Variants in COLEC10 observed in about 807,000 individuals in gnomAD.
COLEC10 encodes collectin-10.
In COLEC10, 22 loss-of-function variants were observed where a neutral mutation model predicts 28.4. The ratio of observed to expected loss-of-function variants is 0.78; its 90% CI spans 0.55 to 1.11. COLEC10 has a LOEUF of 1.11. Among genes scored for constraint, COLEC10 ranks in the 50% least tolerant of loss-of-function variants. The pLI is 0.00. For missense variants in COLEC10, 361 were observed against 344.1 expected, an observed-to-expected ratio of 1.05 and a Z score of -0.39; for synonymous variants, 125 against 116.1, an observed-to-expected ratio of 1.08 and a Z score of -0.49.
intron 3 of COLEC10, among the ~76,000 whole-genome samples, chr8:119,097,270 G>A (rs762117395): frequency 7.9e-5 from 12 of 151,704 alleles, no homozygotes; most frequent in Non-Finnish European, 1.5e-4. Flanking sequence ...TTTTCAGTAA[G>A]CAAAGTTTAA....
At position 119,106,208 on chromosome 8, in the gene COLEC10, T is replaced by G; in HGVS notation, c.*17T>G. The G allele has an allele frequency of 1.3e-6, 2 of 1,579,776 alleles. No individual in the cohort carries two copies. On this transcript the variant is annotated 3_prime_UTR_variant, in exon 6 of 6. Transcript: ENST00000332843. ...AAAAAGTAACTTCCCTCATCCTACG[T>G]ATTTGCTATTTTCCTGTGACCGTCA... is the stretch of plus-strand genomic sequence containing the variant.
intron 2 of COLEC10, among the ~76,000 whole-genome samples, chr8:119,058,506 A>T (rs1402922194): frequency 1.3e-5 from 2 of 152,056 alleles, no homozygotes; most frequent in Non-Finnish European, 2.9e-5. Flanking sequence ...ATATAAAAGG[A>T]GTCACATATT....
rs568385350 is a variant in COLEC10 at position 119,053,004 on chromosome 8, C to T, written n.236-36676C>T. 8.6e-5 allele frequency among the ~76,000 whole-genome samples: 13 copies of T among 152,044 alleles called. No individual in the cohort carries two copies. The South Asian group carries it at 1.7e-3, about 19-fold the overall frequency. ...AAACGTGGAGGAGGAAAGTCCTGAG[C>T]GAAGACGGCAAAGAGGAAATTCCTA... is the stretch of plus-strand genomic sequence containing the variant. On this transcript the variant is annotated intron_variant and non_coding_transcript_variant, in intron 2 of 6. Transcript: ENST00000521788.
intron 2 of COLEC10, among the ~76,000 whole-genome samples, chr8:119,053,155 ATAAAACTGCT>A (rs1283007813): frequency 1.3e-5 from 2 of 152,174 alleles, no homozygotes; most frequent in Non-Finnish European, 2.9e-5. Context: ...AAAATGCTGC[ATAAAACTGCT>A]TTATATTGGG....
At chr8:118,965,406 G>A in the COLEC10 span, among the ~76,000 whole-genome samples, 1 of 151,982 alleles carries the variant, frequency 6.6e-6, no homozygotes, top group African/African-American at 2.4e-5. Context: ...TTTTTAAAAG[G>A]CTCAAAGGTG....
intron 1 of COLEC10, among the ~76,000 whole-genome samples, chr8:119,075,138 T>C (rs772793922): frequency 6.6e-6 from 1 of 152,218 alleles, no homozygotes; most frequent in East Asian, 1.9e-4. Flanking sequence ...GGCAGGCTAT[T>C]CTACTGGCCT....
intron 2 of COLEC10, among the ~76,000 whole-genome samples, chr8:119,020,384 C>T (rs1814070987): frequency 6.6e-6 from 1 of 152,104 alleles, no homozygotes; most frequent in Non-Finnish European, 1.5e-5. Context: ...AAAATATTCC[C>T]TATTCAAATA....
At chr8:119,085,599 C>CTTCTTTTTTTTTTTTTTTT (rs1563739053) in intron 1 of COLEC10, among the ~76,000 whole-genome samples, 3 of 63,554 alleles carry the variant, frequency 4.7e-5, no homozygotes, top group African/African-American at 1.4e-4. Flanking sequence ...TCTTCTTCTT[C>CTTCTTTTTTTTTTTTTTTT]TTTTTTTTTT....
At chr8:119,058,855 T>A (rs566228795) in intron 2 of COLEC10, among the ~76,000 whole-genome samples, 5 of 152,244 alleles carry the variant, frequency 3.3e-5, no homozygotes, top group Admixed American at 6.6e-5. Context: ...TTTTCAAAAG[T>A]GACTGTACAT....
chr8:119,084,711 C>G (rs1815436078), intron 1 of COLEC10, among the ~76,000 whole-genome samples: 1 of 152,144 alleles, frequency 6.6e-6, no homozygotes, highest in African/African-American at 2.4e-5. Flanking sequence ...AAAACACTTA[C>G]TGAAGTACTT....
chr8:119,063,736 A>G (rs909091925), upstream of COLEC10, among the ~76,000 whole-genome samples: 4 of 152,020 alleles, frequency 2.6e-5, no homozygotes, highest in Non-Finnish European at 4.4e-5. Context: ...ATTCACAAAA[A>G]AAAAAAAGAA....
intron 2 of COLEC10, among the ~76,000 whole-genome samples, chr8:119,023,021 T>C (rs1039839682): frequency 6.6e-6 from 1 of 152,140 alleles, no homozygotes; most frequent in Non-Finnish European, 1.5e-5. Context: ...GAAGCAACTG[T>C]GGTAATTCCT....
At chr8:119,099,442 T>C (rs1020160748) in intron 3 of COLEC10, among the ~76,000 whole-genome samples, 7 of 152,076 alleles carry the variant, frequency 4.6e-5, no homozygotes, top group African/African-American at 1.7e-4. Flanking sequence ...AATGATCTCA[T>C]AATTTTAGGT....
chr8:118,984,061 G>A, the COLEC10 span, among the ~76,000 whole-genome samples: 1 of 149,570 alleles, frequency 6.7e-6, no homozygotes, highest in Non-Finnish European at 1.5e-5. Flanking sequence ...ATTCACAATA[G>A]CAAAGACATA....
intron 1 of COLEC10, among the ~76,000 whole-genome samples, chr8:119,008,571 A>G (rs1336248237): frequency 5.3e-5 from 8 of 150,104 alleles, no homozygotes; most frequent in Admixed American, 2.6e-4. Flanking sequence ...AGATGCTCCT[A>G]GAGAATAACC....
chr8:118,994,299 G>C (rs187396096), upstream of COLEC10, among the ~76,000 whole-genome samples: 180 of 152,158 alleles, frequency 1.2e-3, no homozygotes, highest in African/African-American at 4.2e-3. Context: ...CTCTTAAATG[G>C]CAAAAATGGA....
At chr8:119,003,532 A>G (rs952721540) in intron 1 of COLEC10, among the ~76,000 whole-genome samples, 4 of 152,126 alleles carry the variant, frequency 2.6e-5, no homozygotes, top group Non-Finnish European at 5.9e-5. Flanking sequence ...ACTAAGTTGC[A>G]GGTAGAAGAA....
chr8:119,012,758 A>C (rs982125335), intron 2 of COLEC10, among the ~76,000 whole-genome samples: 6 of 150,364 alleles, frequency 4.0e-5, no homozygotes, highest in East Asian at 1.9e-4. Flanking sequence ...TGTAGGAACA[A>C]ATTTTTGTAG....
intron 2 of COLEC10, among the ~76,000 whole-genome samples, chr8:119,047,338 T>C (rs1210548603): frequency 6.6e-6 from 1 of 152,168 alleles, no homozygotes; most frequent in Non-Finnish European, 1.5e-5. Context: ...ACTGTGGAAG[T>C]TCAGGGCGCA....
Sources: allele counts gnomAD v4.1 joint callset (sites outside exome capture counted in the v4.1 genomes callset), GRCh38; gene constraint gnomAD v4.1.1; transcripts MANE v1.5; gene names NCBI Gene and HGNC (gene_info 2026-07-23, HGNC 2026-07-21).